Variants in SLC38A12 observed in about 807,000 individuals in gnomAD.
The protein encoded by SLC38A12 is putative sodium-coupled neutral amino acid transporter 12.
At chr17:74,815,537 C>T in the SLC38A12 span, among the ~76,000 whole-genome samples, 8 of 152,190 alleles carry the variant, frequency 5.3e-5, no homozygotes, top group Non-Finnish European at 8.8e-5. Flanking sequence ...CTAATGTTGA[C>T]GCCCTCACTC....
At chr17:74,805,259 A>G in the SLC38A12 span, among the ~76,000 whole-genome samples, 1 of 152,196 alleles carries the variant, frequency 6.6e-6, no homozygotes, top group Non-Finnish European at 1.5e-5. This position sits in a 1 kb window ranked among gnomAD's most constrained non-coding sequence, Gnocchi z 5.0. Flanking sequence ...TTGCAGGGAA[A>G]GGAGAGGGGC....
chr17:74,831,434 G>A, the SLC38A12 span, among the ~76,000 whole-genome samples: 1 of 152,292 alleles, frequency 6.6e-6, no homozygotes, highest in South Asian at 2.1e-4. Context: ...AAATGCGGTG[G>A]CTTTTGCGTT....
the SLC38A12 span, among the ~76,000 whole-genome samples, chr17:74,811,293 G>A: frequency 6.6e-6 from 1 of 152,056 alleles, no homozygotes; most frequent in Non-Finnish European, 1.5e-5. Context: ...TCACACTACT[G>A]CACTCCAGCC....
chr17:74,802,555 T>G, the SLC38A12 span, among the ~76,000 whole-genome samples: 7 of 152,192 alleles, frequency 4.6e-5, no homozygotes. Context: ...CTGGCCCTGG[T>G]AGAATGTGCA....
At chr17:74,837,967 CTCTTT>C in the SLC38A12 span, 33 of 985,668 alleles carry the variant, frequency 3.3e-5, no homozygotes, top group African/African-American at 5.2e-4. Context: ...CCACCCCTCC[CTCTTT>C]TGAGTTCAGT....
the SLC38A12 span, chr17:74,795,549 G>A: frequency 2.6e-4 from 418 of 1,614,050 alleles, 1 homozygote; most frequent in Middle Eastern, 9.9e-4. Flanking sequence ...TGACTCCTGC[G>A]GTGTGGAAGC....
chr17:74,797,406 G>A, the SLC38A12 span, among the ~76,000 whole-genome samples: 1 of 152,192 alleles, frequency 6.6e-6, no homozygotes, highest in Non-Finnish European at 1.5e-5. Context: ...ACGAAAACAG[G>A]AAGCAGAGGC....
the SLC38A12 span, among the ~76,000 whole-genome samples, chr17:74,820,293 G>T: frequency 3.3e-5 from 5 of 152,242 alleles, no homozygotes; most frequent in Admixed American, 3.3e-4. Flanking sequence ...AAGCCAGCGG[G>T]CCATGGCAGC....
chr17:74,832,212 C>T, the SLC38A12 span, among the ~76,000 whole-genome samples: 4 of 152,156 alleles, frequency 2.6e-5, no homozygotes, highest in African/African-American at 9.7e-5. Flanking sequence ...TCCTTTCCTT[C>T]CTTTTCTCCC....
chr17:74,795,190 G>A, the SLC38A12 span: 2 of 1,204,732 alleles, frequency 1.7e-6, no homozygotes, highest in Non-Finnish European at 2.5e-6. Flanking sequence ...GTCCAGGGGA[G>A]AAGCACCATG....
chr17:74,810,248 A>G, the SLC38A12 span, among the ~76,000 whole-genome samples: 2 of 152,206 alleles, frequency 1.3e-5, no homozygotes, highest in East Asian at 1.9e-4. Context: ...GCTGGCCTCT[A>G]ATGCACAGGG....
the SLC38A12 span, among the ~76,000 whole-genome samples, chr17:74,786,761 G>T: frequency 6.6e-6 from 1 of 152,136 alleles, no homozygotes; most frequent in African/African-American, 2.4e-5. Flanking sequence ...TTTCTTTTGG[G>T]GAGTTTTGAG....
the SLC38A12 span, chr17:74,785,526 A>C: frequency 6.2e-7 from 1 of 1,614,064 alleles, no homozygotes; most frequent in African/African-American, 1.3e-5. Flanking sequence ...GCACGGGCGC[A>C]CTCACCATGC....
the SLC38A12 span, among the ~76,000 whole-genome samples, chr17:74,826,934 C>T: frequency 6.6e-6 from 1 of 152,110 alleles, no homozygotes; most frequent in Non-Finnish European, 1.5e-5. Flanking sequence ...CAGGGGTGAG[C>T]AGCCTGTTGG....
chr17:74,827,342 C>T, the SLC38A12 span, among the ~76,000 whole-genome samples: 378 of 151,210 alleles, frequency 2.5e-3, 2 homozygotes, highest in African/African-American at 8.9e-3. This position sits in a 1 kb window ranked among gnomAD's most constrained non-coding sequence, Gnocchi z 4.7. Flanking sequence ...GTCGCCCACA[C>T]TGGAGTGCAG....
At chr17:74,824,561 G>T in the SLC38A12 span, among the ~76,000 whole-genome samples, 1 of 152,282 alleles carries the variant, frequency 6.6e-6, no homozygotes, top group South Asian at 2.1e-4. Context: ...ATGAACAGCT[G>T]GCTTGGTGCG....
chr17:74,806,594 T>C, the SLC38A12 span, among the ~76,000 whole-genome samples: 1 of 152,076 alleles, frequency 6.6e-6, no homozygotes, highest in African/African-American at 2.4e-5. Context: ...TGCCAAACCC[T>C]CTATAAGAGC....
the SLC38A12 span, among the ~76,000 whole-genome samples, chr17:74,794,801 C>T: frequency 6.6e-6 from 1 of 152,162 alleles, no homozygotes; most frequent in Admixed American, 6.5e-5. Context: ...AAGTCATGAG[C>T]CGATCTGTCT....
the SLC38A12 span, chr17:74,790,437 C>A: frequency 1.3e-6 from 1 of 745,232 alleles, no homozygotes; most frequent in Non-Finnish European, 2.3e-6. Context: ...CTGTGGTAGA[C>A]TCAAAAGAGC....
Sources: allele counts gnomAD v4.1 joint callset (sites outside exome capture counted in the v4.1 genomes callset), GRCh38; gene constraint gnomAD v4.1.1; non-coding constraint Gnocchi (gnomAD v3.1); transcripts MANE v1.5; gene names NCBI Gene and HGNC (gene_info 2026-07-23, HGNC 2026-07-21).